SLC35F1: variants seen among roughly 807,000 people sequenced by gnomAD.
SLC35F1 encodes the protein chromosome 6 open reading frame 169.
Under a neutral mutation model 48.7 loss-of-function variants are expected in SLC35F1, and 14 were observed. That is an observed-to-expected ratio of 0.29 (90% CI 0.19 to 0.45). The LOEUF (loss-of-function observed/expected upper bound fraction) is 0.45. Ranked by LOEUF, SLC35F1 falls within the 20% of genes least tolerant of loss-of-function variation. The pLI, the probability that SLC35F1 is intolerant of heterozygous loss-of-function variation, is 1.00. For synonymous variants in SLC35F1, 190 were observed against 202.2 expected (o/e 0.94, Z 0.51); for missense variants, 404 against 500.0 (o/e 0.81, Z 1.83).
At chr6:118,027,040 C>T (rs192184848) in intron 1 of SLC35F1, among the ~76,000 whole-genome samples, 1 of 152,154 alleles carries the variant, frequency 6.6e-6, no homozygotes, top group African/African-American at 2.4e-5. Flanking sequence ...TCCAGAATGT[C>T]ATAAATGGAT....
In SLC35F1 at chr6:117,917,632, A is replaced by G. The variant is rs76591357; in HGVS notation, c.173+9733A>G. Among the ~76,000 whole-genome samples, 909 of 152,196 alleles carry G rather than the reference A, an allele frequency of 6.0e-3. 5 individuals carry two copies. Among genetic ancestry groups the G allele is most frequent in the African/African-American group, 0.021 (874 of 41,498 alleles). On this transcript the variant is annotated intron_variant, in intron 1 of 7. Transcript: ENST00000360388. ...CGATGGTGCCATTTTCTAAGGTGGG[A>G]AAGACTGGGAGAGGAACATGTTTGA... is the stretch of plus-strand genomic sequence containing the variant.
chr6:118,133,343 G>A (rs1773744731), intron 1 of SLC35F1, among the ~76,000 whole-genome samples: 1 of 152,130 alleles, frequency 6.6e-6, no homozygotes, highest in South Asian at 2.1e-4. Flanking sequence ...CCTTGACTGA[G>A]AAGCTTTTTC....
chr6:117,916,074 C>T (rs962740357), intron 1 of SLC35F1, among the ~76,000 whole-genome samples: 10 of 152,316 alleles, frequency 6.6e-5, no homozygotes, highest in Non-Finnish European at 1.0e-4. Context: ...GAGCTAGAGG[C>T]TGCTGGGAGG....
intron 7 of SLC35F1, among the ~76,000 whole-genome samples, chr6:118,304,396 A>AG (rs1562356800): frequency 4.8e-4 from 35 of 73,358 alleles, no homozygotes; most frequent in Non-Finnish European, 9.1e-4. Flanking sequence ...GAAGAAAAGA[A>AG]AAGAAGAAGA....
intron 1 of SLC35F1, among the ~76,000 whole-genome samples, chr6:117,923,379 G>A (rs1324378849): frequency 6.6e-6 from 1 of 151,486 alleles, no homozygotes; most frequent in Non-Finnish European, 1.5e-5. Context: ...TCCGAAGAAG[G>A]AATTATTAGA....
intron 1 of SLC35F1, among the ~76,000 whole-genome samples, chr6:118,047,004 G>C (rs2114906557): frequency 6.6e-6 from 1 of 152,216 alleles, no homozygotes; most frequent in African/African-American, 2.4e-5. Context: ...TGAGCCTGGA[G>C]GCTCTGAAAT....
At chr6:117,911,611 A>C (rs1335610480) in intron 1 of SLC35F1, among the ~76,000 whole-genome samples, 1 of 151,758 alleles carries the variant, frequency 6.6e-6, no homozygotes, top group East Asian at 1.9e-4. Flanking sequence ...ATTTTTAAAA[A>C]ATTTTTAAAT....
chr6:118,047,254 T>C (rs1772314266), intron 1 of SLC35F1, among the ~76,000 whole-genome samples: 1 of 152,190 alleles, frequency 6.6e-6, no homozygotes, highest in South Asian at 2.1e-4. Flanking sequence ...TCTGTTGTTC[T>C]TATCTTCACA....
intron 2 of SLC35F1, among the ~76,000 whole-genome samples, chr6:118,198,387 T>G (rs1457118039): frequency 6.6e-6 from 1 of 152,158 alleles, no homozygotes; most frequent in East Asian, 1.9e-4. Flanking sequence ...TGAAACATTT[T>G]TGAGAATAAA....
intron 1 of SLC35F1, among the ~76,000 whole-genome samples, chr6:117,922,646 G>T (rs1159830950): frequency 6.6e-6 from 1 of 152,160 alleles, no homozygotes; most frequent in African/African-American, 2.4e-5. Context: ...CACAGAGAAG[G>T]ATGGGAGCAT....
At chr6:118,291,943 C>T (rs998221368) in intron 7 of SLC35F1, among the ~76,000 whole-genome samples, 32 of 152,058 alleles carry the variant, frequency 2.1e-4, no homozygotes, top group Admixed American at 3.9e-4. Context: ...CATTGTGAAA[C>T]TCCGTCTCTA....
At chr6:117,956,820 AG>A (rs1776434700) in intron 1 of SLC35F1, among the ~76,000 whole-genome samples, 1 of 152,230 alleles carries the variant, frequency 6.6e-6, no homozygotes, top group African/African-American at 2.4e-5. Flanking sequence ...CCAGGAGGGC[AG>A]GGAAACCCTA....
chr6:117,995,915 A>T (rs1354353264), intron 1 of SLC35F1, among the ~76,000 whole-genome samples: 1 of 152,090 alleles, frequency 6.6e-6, no homozygotes, highest in African/African-American at 2.4e-5. Flanking sequence ...GAAAATGCAT[A>T]TTTTCTGTTT....
chr6:118,285,267 T>A lies in SLC35F1; in HGVS notation c.931T>A (p.Ser311Thr). 6.2e-7 allele frequency: 1 copy of A among 1,614,060 alleles called. No homozygotes were observed. The highest frequency in any genetic ancestry group is 8.5e-7 in the Non-Finnish European group (1 of 1,179,926). Residue 311 changes from serine to threonine, a missense_variant, in exon 7 of 8, where the codon TCA becomes ACA. By Grantham distance (58) the Ser-to-Thr change is moderately conservative. Transcript: ENST00000360388. ...PVVIKKTSAT[S>T]VNLSLLTADL... The stretch of plus-strand genomic sequence containing the variant: ...CGTCATAAAGAAAACCAGTGCCACT[T>A]CAGTCAACCTCTCCTTGCTCACAGC...
chr6:118,070,608 A>G (rs1375419380), intron 1 of SLC35F1, among the ~76,000 whole-genome samples: 2 of 151,864 alleles, frequency 1.3e-5, no homozygotes, highest in African/African-American at 2.4e-5. Flanking sequence ...ACCCAGTCCT[A>G]CTTCCCAGGT....
At chr6:117,927,663 C>T (rs974158805) in intron 1 of SLC35F1, among the ~76,000 whole-genome samples, 21 of 152,122 alleles carry the variant, frequency 1.4e-4, no homozygotes, top group African/African-American at 4.1e-4. Flanking sequence ...TTTTTCTAAT[C>T]GCTTAGAACA....
chr6:118,042,549 A>C (rs7740920), intron 1 of SLC35F1, among the ~76,000 whole-genome samples: 2 of 152,172 alleles, frequency 1.3e-5, no homozygotes, highest in Non-Finnish European at 2.9e-5. Context: ...AGAAACTTGA[A>C]CATTAAGTTG....
intron 1 of SLC35F1, among the ~76,000 whole-genome samples, chr6:117,929,453 ATGTGTGTG>A (rs143634465): frequency 8.8e-4 from 128 of 146,086 alleles, no homozygotes; most frequent in African/African-American, 2.8e-3. Context: ...GTATGTATTT[ATGTGTGTG>A]TGTGTGTGTG....
At chr6:118,234,005 A>G (rs1173153322) in intron 2 of SLC35F1, among the ~76,000 whole-genome samples, 1 of 152,226 alleles carries the variant, frequency 6.6e-6, no homozygotes, top group Non-Finnish European at 1.5e-5. Context: ...TGTGCTCACA[A>G]GTCTTCATAG....
Sources: gnomAD v4.1 joint callset for allele counts (sites outside exome capture counted in the v4.1 genomes callset) on GRCh38, gnomAD v4.1.1 for gene constraint, MANE v1.5 for transcripts, NCBI Gene and HGNC (gene_info 2026-07-23, HGNC 2026-07-21) for gene names.